The following RGS7 variants were observed in gnomAD, a reference collection of about 807,000 sequenced individuals.
The protein encoded by RGS7 is regulator of G protein signaling 7, also known as regulator of G-protein signaling 7.
A neutral mutation model predicts 81.1 loss-of-function variants in RGS7; 27 were observed. That is an observed-to-expected ratio of 0.33 (90% CI 0.25 to 0.46). The LOEUF (loss-of-function observed/expected upper bound fraction) is 0.46, where lower values mean the gene tolerates loss of function less well. RGS7 is among the 20% of genes least tolerant of loss of function. RGS7 has a pLI of 1.00. For synonymous variants in RGS7, 208 were observed against 207.7 expected, an observed-to-expected ratio of 1.00 and a Z score of -0.01; for missense variants, 396 against 607.4, an observed-to-expected ratio of 0.65 and a Z score of 3.66.
At chr1:240,983,042 G>GTT (rs1685159134) in intron 4 of RGS7, 37 bp downstream of exon 4, 1 of 1,282,200 alleles carries the variant, frequency 7.8e-7, no homozygotes. Context: ...AAACCACTAA[G>GTT]AAAAAAGTTC....
At chr1:241,128,395 C>A (rs1044690868) in intron 2 of RGS7, among the ~76,000 whole-genome samples, 1 of 151,916 alleles carries the variant, frequency 6.6e-6, no homozygotes, top group East Asian at 1.9e-4. Context: ...ACCAGCCTGG[C>A]CAACATGGTA....
intron 10 of RGS7, among the ~76,000 whole-genome samples, chr1:240,817,109 A>C (rs1158068298): frequency 6.6e-6 from 1 of 152,208 alleles, no homozygotes; most frequent in Non-Finnish European, 1.5e-5. Flanking sequence ...TTTTTGAGAA[A>C]GGCCCATTGC....
chr1:241,142,517 G>T (rs1335808550), intron 2 of RGS7, among the ~76,000 whole-genome samples: 1 of 152,200 alleles, frequency 6.6e-6, no homozygotes, highest in Admixed American at 6.5e-5. Flanking sequence ...GCTGCCAAAG[G>T]TTGAGGCTTT....
intron 2 of RGS7, among the ~76,000 whole-genome samples, chr1:241,141,721 C>T (rs911017324): frequency 6.6e-6 from 1 of 152,140 alleles, no homozygotes; most frequent in African/African-American, 2.4e-5. Context: ...ATTATGGGAA[C>T]TACAATTCAA....
intron 3 of RGS7, among the ~76,000 whole-genome samples, chr1:240,996,554 C>T (rs111864981): frequency 1.3e-5 from 2 of 152,252 alleles, no homozygotes; most frequent in African/African-American, 4.8e-5. Context: ...TCTAATGACC[C>T]CCTTTATTGC....
chr1:240,919,918 T>C, intron 6 of RGS7: 2 of 1,188,870 alleles, frequency 1.7e-6, no homozygotes, highest in Admixed American at 1.7e-5. Context: ...AAGAGAGCTG[T>C]CTCAAGAGAA....
Position 240,873,493 on chromosome 1 carries a change from A to G in RGS7, c.386-3374T>C, listed in dbSNP as rs553222234. Among the ~76,000 whole-genome samples the G allele has an allele frequency of 2.0e-5, 3 of 152,340 alleles. No individual in the cohort carries two copies. The South Asian group carries it at 6.2e-4, about 32-fold the overall frequency. On this transcript the variant is annotated intron_variant, in intron 6 of 18. Transcript: ENST00000440928. ...CAGGCCTGAAGTGCTACTCTGGCTA[A>G]GAAAGCTCCATAGATAAGGCATAGA...
At chr1:240,847,049 A>T (rs1020886085) in intron 9 of RGS7, among the ~76,000 whole-genome samples, 3 of 152,182 alleles carry the variant, frequency 2.0e-5, no homozygotes, top group Non-Finnish European at 4.4e-5. Context: ...TATTCCGCTA[A>T]ATTTTGGGAT....
intron 18 of RGS7, among the ~76,000 whole-genome samples, chr1:240,798,362 A>C (rs1336464511): frequency 2.6e-5 from 4 of 152,198 alleles, no homozygotes; most frequent in Non-Finnish European, 5.9e-5. Flanking sequence ...AAACAAAAAC[A>C]ACAATGCCAT....
At chr1:240,800,587 C>T (rs1312313176) in intron 18 of RGS7, 54 bp downstream of exon 18, 1 of 1,150,946 alleles carries the variant, frequency 8.7e-7, no homozygotes, top group East Asian at 2.6e-5. Context: ...AGCTAAACCA[C>T]ACAACTCAAC....
chr1:241,184,974 A>G (rs1183740721), intron 2 of RGS7, among the ~76,000 whole-genome samples: 2 of 152,240 alleles, frequency 1.3e-5, no homozygotes, highest in East Asian at 3.8e-4. Context: ...GAATGAAGGC[A>G]AAAGAAAATA....
intron 2 of RGS7, among the ~76,000 whole-genome samples, chr1:241,256,957 A>T (rs1441676809): frequency 7.2e-6 from 1 of 139,852 alleles, no homozygotes; most frequent in African/African-American, 2.6e-5. Context: ...ACACACACAC[A>T]CACACGTGTG....
intron 6 of RGS7, among the ~76,000 whole-genome samples, chr1:240,898,076 G>A (rs528146416): frequency 6.6e-6 from 1 of 152,236 alleles, no homozygotes; most frequent in East Asian, 1.9e-4. Flanking sequence ...GCGTAGAGGT[G>A]TTTATAGTAT....
chr1:241,322,258 T>C (rs1000545934), intron 2 of RGS7, among the ~76,000 whole-genome samples: 3 of 152,234 alleles, frequency 2.0e-5, no homozygotes, highest in Non-Finnish European at 4.4e-5. Flanking sequence ...TGTTAGCACA[T>C]ACTAGGTGTA....
rs775927300 is a variant in RGS7 at position 240,936,593 on chromosome 1, A to G, written c.333+7T>C. The G allele has an allele frequency of 5.6e-6, 9 of 1,602,550 alleles. No homozygotes were observed. The Admixed American group carries it at 8.3e-5, about 15-fold the overall frequency. The stretch of plus-strand genomic sequence containing the variant: ...TTACTGTTAAAGAACATTTCTAATA[A>G]ACTTACTTGAAACCGGTAAAAGGTG... On this transcript the variant is annotated splice_region_variant and intron_variant, in intron 5 of 18. Transcript: ENST00000440928.
intron 4 of RGS7, among the ~76,000 whole-genome samples, chr1:240,977,740 T>G (rs1262953540): frequency 1.3e-5 from 2 of 152,198 alleles, no homozygotes. Context: ...AGAATATATG[T>G]GAGAAGGCGG....
At chr1:240,862,268 T>C (rs56888402) in intron 9 of RGS7, among the ~76,000 whole-genome samples, 3,923 of 152,248 alleles carry the variant, frequency 0.026, 180 homozygotes, top group African/African-American at 0.087. Flanking sequence ...TCATGGTTTT[T>C]TGAAAGGTAA....
At chr1:241,077,685 G>A (rs1235752663) in intron 3 of RGS7, among the ~76,000 whole-genome samples, 2 of 152,196 alleles carry the variant, frequency 1.3e-5, no homozygotes, top group East Asian at 3.8e-4. Flanking sequence ...GCACAGCTCT[G>A]TGCGCTGTTT....
intron 18 of RGS7, 67 bp downstream of exon 18, chr1:240,800,574 T>C: frequency 1.1e-6 from 1 of 929,612 alleles, no homozygotes; most frequent in Non-Finnish European, 1.6e-6. Context: ...CACAGCAGCA[T>C]GGAGCTAAAC....
Sources: allele counts gnomAD v4.1 joint callset (sites outside exome capture counted in the v4.1 genomes callset), GRCh38; gene constraint gnomAD v4.1.1; transcripts MANE v1.5; gene names NCBI Gene and HGNC (gene_info 2026-07-23, HGNC 2026-07-21).